Variants in PDE4D observed in about 807,000 individuals in gnomAD.
PDE4D encodes 3',5'-cyclic-AMP phosphodiesterase 4D.
A neutral mutation model predicts 87.4 loss-of-function variants in PDE4D; 24 were observed. The observed-to-expected ratio is 0.27, with a 90% CI of 0.20 to 0.39. The LOEUF (loss-of-function observed/expected upper bound fraction) is 0.39, where lower values mean the gene tolerates loss of function less well. Among genes scored for constraint, PDE4D ranks in the 10% least tolerant of loss-of-function variants. PDE4D has a pLI of 1.00. For missense variants in PDE4D, 714 were observed against 1,041.0 expected (o/e 0.69, Z 4.32); for synonymous variants, 384 against 383.2 (o/e 1.00, Z -0.02).
intron 1 of PDE4D, among the ~76,000 whole-genome samples, chr5:59,294,965 T>C (rs1216226994): frequency 6.6e-6 from 1 of 152,202 alleles, no homozygotes; most frequent in African/African-American, 2.4e-5. Context: ...CTGGATGCTT[T>C]CAAATGTAAT....
chr5:59,316,215 A>T (rs1266556542), intron 1 of PDE4D, among the ~76,000 whole-genome samples: 1 of 152,182 alleles, frequency 6.6e-6, no homozygotes, highest in Admixed American at 6.5e-5. Context: ...ATAAAGGCAG[A>T]TTGCCAGTCT....
intron 3 of PDE4D, among the ~76,000 whole-genome samples, chr5:59,961,839 C>T (rs1209966123): frequency 1.3e-5 from 2 of 152,264 alleles, no homozygotes; most frequent in South Asian, 2.1e-4. Context: ...CTGCAGGGCT[C>T]TCTGCTTGCA....
intron 6 of PDE4D, among the ~76,000 whole-genome samples, chr5:59,015,980 A>G (rs1580308830): frequency 6.6e-6 from 1 of 152,296 alleles, no homozygotes; most frequent in Non-Finnish European, 1.5e-5. Flanking sequence ...CTTTGTAGGG[A>G]CATGGATGAA....
At chr5:59,095,566 T>G (rs1387415238) in intron 5 of PDE4D, among the ~76,000 whole-genome samples, 1 of 152,126 alleles carries the variant, frequency 6.6e-6, no homozygotes, top group Non-Finnish European at 1.5e-5. Flanking sequence ...CTTTGAACAT[T>G]TCTATTGTAC....
At chr5:59,418,549 T>C (rs1271603196) in intron 1 of PDE4D, among the ~76,000 whole-genome samples, 1 of 152,214 alleles carries the variant, frequency 6.6e-6, no homozygotes, top group Non-Finnish European at 1.5e-5. Context: ...CAAAATATTT[T>C]ACTCCTGCTT....
At chr5:60,360,157 G>T (rs1759942687) in intron 1 of PDE4D, among the ~76,000 whole-genome samples, 1 of 152,146 alleles carries the variant, frequency 6.6e-6, no homozygotes, top group South Asian at 2.1e-4. Context: ...GAGCAGGGGT[G>T]AGATCAGACA....
At chr5:60,414,837 G>T (rs528357601) in intron 1 of PDE4D, among the ~76,000 whole-genome samples, 1 of 152,268 alleles carries the variant, frequency 6.6e-6, no homozygotes, top group South Asian at 2.1e-4. Context: ...CCTATCTAAG[G>T]TCATAACATC....
rs371132697 is a variant in PDE4D, at chr5:60,344,784, T to A, written c.-90+143158A>T. 7.2e-5 allele frequency among the ~76,000 whole-genome samples: 11 copies of A among 152,288 alleles called. No homozygotes were observed. In the East Asian group the frequency reaches 2.1e-3, roughly 29 times the overall value. ...TTTAGAAAAACACTCATCTATATAG[T>A]CTTCTGTAAAGAAGTTCAACAAAAT... On this transcript the variant is annotated intron_variant, in intron 1 of 16. Transcript: ENST00000502484.
At chr5:59,155,385 A>C (rs1780020005) in intron 5 of PDE4D, among the ~76,000 whole-genome samples, 1 of 152,190 alleles carries the variant, frequency 6.6e-6, no homozygotes, top group Non-Finnish European at 1.5e-5. Context: ...TAAATGAACA[A>C]AGAAAGAGTT....
intron 1 of PDE4D, chr5:59,587,065 G>A: frequency 2.3e-6 from 2 of 871,166 alleles, no homozygotes; most frequent in Non-Finnish European, 2.8e-6. Context: ...CTGCTCTGCA[G>A]GACAAGATTA....
At chr5:60,140,089 G>T (rs969347238) in intron 2 of PDE4D, among the ~76,000 whole-genome samples, 5 of 151,722 alleles carry the variant, frequency 3.3e-5, no homozygotes, top group Non-Finnish European at 5.9e-5. Flanking sequence ...TTGTATTATT[G>T]TTTTGGTCCT....
intron 1 of PDE4D, among the ~76,000 whole-genome samples, chr5:59,506,654 T>C (rs1328896799): frequency 6.6e-6 from 1 of 152,040 alleles, no homozygotes; most frequent in Non-Finnish European, 1.5e-5. Context: ...TAGTTTCCCA[T>C]ACAGAACACT....
intron 1 of PDE4D, among the ~76,000 whole-genome samples, chr5:59,377,376 C>T (rs1562061218): frequency 6.6e-6 from 1 of 150,738 alleles, no homozygotes; most frequent in African/African-American, 2.4e-5. Context: ...GAGATCATGC[C>T]ACTGCACTCC....
chr5:59,948,952 C>CACAT (rs1340484352), intron 3 of PDE4D, among the ~76,000 whole-genome samples: 1 of 152,224 alleles, frequency 6.6e-6, no homozygotes, highest in Non-Finnish European at 1.5e-5. Flanking sequence ...AGATGTCTTA[C>CACAT]ACATATTCTC....
chr5:59,471,672 A>G (rs1274734686), intron 1 of PDE4D, among the ~76,000 whole-genome samples: 1 of 152,226 alleles, frequency 6.6e-6, no homozygotes, highest in Non-Finnish European at 1.5e-5. Flanking sequence ...TACAAGTGAC[A>G]ACAGCTACAA....
intron 3 of PDE4D, among the ~76,000 whole-genome samples, chr5:59,971,713 T>A (rs1486463158): frequency 6.6e-6 from 1 of 152,150 alleles, no homozygotes; most frequent in East Asian, 1.9e-4. Context: ...AAATAATGCA[T>A]TAAAATAAAA....
intron 1 of PDE4D, among the ~76,000 whole-genome samples, chr5:60,373,457 T>C (rs1761193283): frequency 6.6e-6 from 1 of 152,174 alleles, no homozygotes; most frequent in Non-Finnish European, 1.5e-5. Context: ...CCTCTTTCTC[T>C]AGAGTCTTAT....
In PDE4D at chr5:59,332,062, G is replaced by A. The variant is rs979670718; in HGVS notation, c.456-116094C>T. On this transcript the variant is annotated intron_variant, in intron 1 of 14. Coordinates refer to ENST00000340635, the MANE Select transcript of PDE4D (RefSeq NM_001104631.2). ...ATCTATGAATAGAGAGCTCCTTAGA[G>A]CATGGCTACTGATAAATCATTCACT... 5.3e-5 allele frequency among the ~76,000 whole-genome samples: 8 copies of A among 152,122 alleles called. 1 individual carries two copies. Among genetic ancestry groups the A allele is most frequent in the Admixed American group, 6.5e-5 (1 of 15,268 alleles).
intron 1 of PDE4D, among the ~76,000 whole-genome samples, chr5:59,330,398 T>C (rs914910509): frequency 6.6e-6 from 1 of 152,094 alleles, no homozygotes; most frequent in South Asian, 2.1e-4. Flanking sequence ...AGGCAACCTG[T>C]TCTTGGTGGC....
Sources: gnomAD v4.1 joint callset for allele counts (sites outside exome capture counted in the v4.1 genomes callset) on GRCh38, gnomAD v4.1.1 for gene constraint, MANE v1.5 for transcripts, NCBI Gene and HGNC (gene_info 2026-07-23, HGNC 2026-07-21) for gene names.